Variants in ATXN7L1 observed in about 807,000 individuals in gnomAD.
ATXN7L1 encodes the protein ataxin-7-like protein 1.
Under a neutral mutation model 70.8 loss-of-function variants are expected in ATXN7L1, and 15 were observed. The observed-to-expected ratio is 0.21, with a 90% CI of 0.14 to 0.33. The LOEUF (loss-of-function observed/expected upper bound fraction) is 0.33. Among genes scored for constraint, ATXN7L1 ranks in the 10% least tolerant of loss-of-function variants. The pLI, the probability that ATXN7L1 is intolerant of heterozygous loss-of-function variation, is 1.00. For synonymous variants in ATXN7L1, 440 were observed against 445.1 expected (o/e 0.99, Z 0.14); for missense variants, 975 against 1,097.1 (o/e 0.89, Z 1.57).
chr7:105,722,560 TAAAAAAAAAAAAAA>T (rs56228890), intron 3 of ATXN7L1, among the ~76,000 whole-genome samples: 425 of 20,814 alleles, frequency 0.02, 7 homozygotes, highest in African/African-American at 0.036. Flanking sequence ...GACTCTGCCT[TAAAAAAAAAAAAAA>T]AAAAAAAAAA....
intron 2 of ATXN7L1, among the ~76,000 whole-genome samples, chr7:105,852,975 C>T (rs765700632): frequency 3.4e-4 from 51 of 151,932 alleles, no homozygotes; most frequent in Non-Finnish European, 5.7e-4. Flanking sequence ...TGCATGAATC[C>T]CCTTATATGA....
chr7:105,838,575 G>C (rs1812750991), intron 2 of ATXN7L1, among the ~76,000 whole-genome samples: 1 of 152,192 alleles, frequency 6.6e-6, no homozygotes, highest in Non-Finnish European at 1.5e-5. Context: ...TTCCAGCCAG[G>C]AGCAGGGGCT....
intron 7 of ATXN7L1, among the ~76,000 whole-genome samples, chr7:105,630,846 C>T (rs1164578143): frequency 6.6e-6 from 1 of 152,026 alleles, no homozygotes; most frequent in African/African-American, 2.4e-5. Context: ...ACCTTCTGCT[C>T]AATTTTGCTG....
intron 3 of ATXN7L1, among the ~76,000 whole-genome samples, chr7:105,764,784 A>G (rs1801021369): frequency 6.6e-6 from 1 of 152,216 alleles, no homozygotes; most frequent in Non-Finnish European, 1.5e-5. Flanking sequence ...GACAGGAGGC[A>G]CATCAAAATT....
intron 4 of ATXN7L1, among the ~76,000 whole-genome samples, chr7:105,662,142 G>T (rs1204106487): frequency 7.3e-6 from 1 of 136,980 alleles, no homozygotes; most frequent in Non-Finnish European, 1.5e-5. Context: ...TTGCCCTGTT[G>T]CCCAGCCTGG....
chr7:105,731,335 T>C (rs1796505731), intron 3 of ATXN7L1, among the ~76,000 whole-genome samples: 1 of 152,124 alleles, frequency 6.6e-6, no homozygotes, highest in African/African-American at 2.4e-5. Context: ...ATTCAACTGG[T>C]ATTATCGTCT....
chr7:105,620,932 G>C (rs2115790980), intron 8 of ATXN7L1, among the ~76,000 whole-genome samples: 1 of 151,530 alleles, frequency 6.6e-6, no homozygotes, highest in South Asian at 2.1e-4. Flanking sequence ...CAACACCCAG[G>C]GTGACTTTTC....
intron 3 of ATXN7L1, among the ~76,000 whole-genome samples, chr7:105,688,498 G>A (rs149705841): frequency 2.4e-3 from 360 of 151,940 alleles, no homozygotes; most frequent in Non-Finnish European, 3.8e-3. Context: ...AGCCGTGATC[G>A]TGCCACTGCA....
chr7:105,797,938 C>A (rs1337270073), intron 2 of ATXN7L1, among the ~76,000 whole-genome samples: 1 of 152,230 alleles, frequency 6.6e-6, no homozygotes, highest in Non-Finnish European at 1.5e-5. Flanking sequence ...GCTGCTTAAT[C>A]AATGGTAATA....
chr7:105,663,239 C>T (rs1460345201), intron 4 of ATXN7L1, among the ~76,000 whole-genome samples: 1 of 152,208 alleles, frequency 6.6e-6, no homozygotes, highest in African/African-American at 2.4e-5. Flanking sequence ...GCTACAGCCT[C>T]CTGCAGGATG....
chr7:105,848,515 T>C (rs990523359), intron 2 of ATXN7L1, among the ~76,000 whole-genome samples: 7 of 148,168 alleles, frequency 4.7e-5, no homozygotes, highest in African/African-American at 1.7e-4. Context: ...GGGAATTAGT[T>C]AAATAAATTA....
At chr7:105,679,073 G>A in intron 3 of ATXN7L1, 1 of 985,950 alleles carries the variant, frequency 1.0e-6, no homozygotes, top group Non-Finnish European at 1.2e-6. Context: ...AGGCTGCCTT[G>A]CCGTTTGGAT....
At chr7:105,759,473 TGTGTGTGTGTG>T (rs1584938744) in intron 3 of ATXN7L1, among the ~76,000 whole-genome samples, 2 of 114,916 alleles carry the variant, frequency 1.7e-5, no homozygotes, top group South Asian at 3.0e-4. Flanking sequence ...TGTGTGTGTG[TGTGTGTGTGTG>T]TGTGTGTATG....
At chr7:105,750,927 TTC>T (rs1205251104) in intron 3 of ATXN7L1, among the ~76,000 whole-genome samples, 1 of 152,224 alleles carries the variant, frequency 6.6e-6, no homozygotes, top group Non-Finnish European at 1.5e-5. Flanking sequence ...TCAAACTGGC[TTC>T]TCTCATAGCT....
intron 2 of ATXN7L1, among the ~76,000 whole-genome samples, chr7:105,853,841 C>T (rs1045506721): frequency 2.0e-5 from 3 of 152,018 alleles, no homozygotes; most frequent in South Asian, 4.1e-4. Context: ...AAAGGGCGGG[C>T]GGTAGGGAAC....
intron 2 of ATXN7L1, among the ~76,000 whole-genome samples, chr7:105,805,287 C>T (rs1392439457): frequency 6.6e-6 from 1 of 152,218 alleles, no homozygotes; most frequent in African/African-American, 2.4e-5. Flanking sequence ...CAGGCGAGAA[C>T]TTGCCAGGGC....
intron 2 of ATXN7L1, among the ~76,000 whole-genome samples, chr7:105,793,459 A>T (rs537510419): frequency 4.6e-5 from 7 of 152,160 alleles, no homozygotes; most frequent in Non-Finnish European, 1.0e-4. Context: ...TCCAACACAG[A>T]GTCCTTGCTC....
At chr7:105,726,904 C>T (rs372724879) in intron 3 of ATXN7L1, among the ~76,000 whole-genome samples, 1 of 152,106 alleles carries the variant, frequency 6.6e-6, no homozygotes, top group East Asian at 1.9e-4. Flanking sequence ...AGACACTATC[C>T]CTCTTCTATT....
chr7:105,744,331 T>C (rs779651128), intron 3 of ATXN7L1, among the ~76,000 whole-genome samples: 8 of 152,224 alleles, frequency 5.3e-5, no homozygotes, highest in Non-Finnish European at 1.2e-4. Context: ...TAAATGGTTG[T>C]GGGAGACTAA....
Sources: allele counts gnomAD v4.1 joint callset (sites outside exome capture counted in the v4.1 genomes callset), GRCh38; gene constraint gnomAD v4.1.1; transcripts MANE v1.5; gene names NCBI Gene and HGNC (gene_info 2026-07-23, HGNC 2026-07-21).